The following UBE3D variants were observed in gnomAD, a reference collection of about 807,000 sequenced individuals.
The protein encoded by UBE3D is ubiquitin protein ligase E3D.
In UBE3D, 48 loss-of-function variants were observed where a neutral mutation model predicts 49.6. That is an observed-to-expected ratio of 0.97 (90% CI 0.77 to 1.23). The LOEUF (loss-of-function observed/expected upper bound fraction) is 1.23. UBE3D is among the 50% of genes most tolerant of loss of function. The probability of loss-of-function intolerance (pLI) is 0.00; values close to 1 mark genes in which losing one functional copy is unlikely to be tolerated. For synonymous variants in UBE3D, 189 were observed against 174.2 expected (o/e 1.08, Z -0.67); for missense variants, 452 against 468.4 (o/e 0.96, Z 0.32).
At chr6:82,935,701 A>T (rs1209983373) in intron 9 of UBE3D, among the ~76,000 whole-genome samples, 1 of 152,230 alleles carries the variant, frequency 6.6e-6, no homozygotes, top group African/African-American at 2.4e-5. Flanking sequence ...CTTCAAAGAA[A>T]TAGCAAATAG....
intron 5 of UBE3D, among the ~76,000 whole-genome samples, chr6:83,031,528 T>A (rs906220554): frequency 1.3e-5 from 2 of 152,198 alleles, no homozygotes; most frequent in African/African-American, 2.4e-5. Flanking sequence ...CTGTGAGACA[T>A]GAAGTCAAAG....
At chr6:82,892,027 G>C (rs572220853), downstream of UBE3D, among the ~76,000 whole-genome samples, 14 of 150,312 alleles carry the variant, frequency 9.3e-5, no homozygotes, top group Non-Finnish European at 1.9e-4. Context: ...AAAAAAAAAA[G>C]TGTTAGAAAA....
intron 8 of UBE3D, among the ~76,000 whole-genome samples, chr6:82,982,569 A>G (rs1778186737): frequency 6.6e-6 from 1 of 152,210 alleles, no homozygotes; most frequent in South Asian, 2.1e-4. Flanking sequence ...AGCATACTTT[A>G]ACATATCCCT....
chr6:82,905,345 T>A (rs1339992090), intron 9 of UBE3D, among the ~76,000 whole-genome samples: 1 of 152,154 alleles, frequency 6.6e-6, no homozygotes, highest in Admixed American at 6.5e-5. Flanking sequence ...ATTATACCTG[T>A]TACGGTGATC....
intron 9 of UBE3D, among the ~76,000 whole-genome samples, chr6:82,900,281 G>A (rs759543812): frequency 2.6e-5 from 4 of 152,126 alleles, no homozygotes; most frequent in Non-Finnish European, 4.4e-5. Flanking sequence ...TTAAGGAGAG[G>A]TGCCTTTAGC....
chr6:82,903,132 G>C (rs147945215), intron 9 of UBE3D, among the ~76,000 whole-genome samples: 1 of 152,102 alleles, frequency 6.6e-6, no homozygotes, highest in South Asian at 2.1e-4. Flanking sequence ...GTCAGATTTA[G>C]TGCAGTTGAA....
chr6:83,014,617 G>A (rs138755043), intron 8 of UBE3D, among the ~76,000 whole-genome samples: 9 of 152,262 alleles, frequency 5.9e-5, no homozygotes, highest in Admixed American at 2.6e-4. Context: ...TGGAATCAGC[G>A]TCAGCTCAGA....
chr6:83,054,244 G>C lies in UBE3D; in HGVS notation c.275-6C>G, dbSNP rs201774841. On this transcript the variant is annotated splice_region_variant and splice_polypyrimidine_tract_variant and intron_variant, in intron 2 of 9. Coordinates refer to ENST00000369747, the MANE Select transcript of UBE3D (RefSeq NM_198920.3). ...ATTAAACATTGAAATCAGTTCTAAA[G>C]GAAGTCAATGAAATAGCTAATCTTA... 3.0e-4 allele frequency: 480 copies of C among 1,608,944 alleles called. 1 individual carries two copies. The highest frequency in any genetic ancestry group is 3.8e-4 in the Non-Finnish European group (451 of 1,175,610).
At chr6:82,944,790 C>T (rs1242658262) in intron 9 of UBE3D, among the ~76,000 whole-genome samples, 1 of 152,168 alleles carries the variant, frequency 6.6e-6, no homozygotes, top group Non-Finnish European at 1.5e-5. Context: ...CTGAAGTGCC[C>T]TTGGGCCTCA....
chr6:83,041,524 T>C (rs958655796), intron 4 of UBE3D, among the ~76,000 whole-genome samples: 7 of 152,194 alleles, frequency 4.6e-5, no homozygotes, highest in African/African-American at 1.7e-4. Context: ...TTTTTTAAAT[T>C]CCTATTTTTA....
intron 8 of UBE3D, among the ~76,000 whole-genome samples, chr6:82,987,648 C>A (rs55730929): frequency 2.6e-5 from 4 of 152,092 alleles, no homozygotes; most frequent in African/African-American, 9.7e-5. Flanking sequence ...ATTCATATAG[C>A]GACTTTGGAA....
rs367547080 is a variant in UBE3D at position 82,923,642 on chromosome 6, C to T, written c.1150-30600G>A. 2.8e-4 allele frequency among the ~76,000 whole-genome samples: 43 copies of T among 152,270 alleles called. No homozygotes were observed. In the South Asian group the frequency reaches 5.6e-3, roughly 20 times the overall value. On this transcript the variant is annotated intron_variant, in intron 9 of 9. Coordinates refer to ENST00000369747, the MANE Select transcript of UBE3D (RefSeq NM_198920.3). Reference sequence around the variant, plus strand: ...TGACGGGTTGATTGGTGTAGCAAACCACCATGGCACGTGTATACCTATGTA... The same window carrying T: ...TGACGGGTTGATTGGTGTAGCAAACTACCATGGCACGTGTATACCTATGTA...
chr6:82,944,453 T>C (rs1407794682), intron 9 of UBE3D, among the ~76,000 whole-genome samples: 1 of 152,110 alleles, frequency 6.6e-6, no homozygotes, highest in East Asian at 1.9e-4. Flanking sequence ...GAATAACCAG[T>C]AGTGATACCC....
At chr6:83,046,752 A>C (rs1001779789) in intron 3 of UBE3D, among the ~76,000 whole-genome samples, 1 of 151,358 alleles carries the variant, frequency 6.6e-6, no homozygotes, top group African/African-American at 2.4e-5. Flanking sequence ...TCTTTCCTCA[A>C]ATGTACATTT....
intron 9 of UBE3D, among the ~76,000 whole-genome samples, chr6:82,895,184 A>G (rs554952757): frequency 3.5e-4 from 53 of 152,140 alleles, no homozygotes; most frequent in African/African-American, 1.1e-3. Flanking sequence ...GGTGGCAGGT[A>G]CCTGTAATCC....
At chr6:82,981,869 T>C (rs1029320208) in intron 8 of UBE3D, among the ~76,000 whole-genome samples, 2 of 152,100 alleles carry the variant, frequency 1.3e-5, no homozygotes, top group African/African-American at 2.4e-5. Context: ...ATACATCTAG[T>C]TGAAGAATGG....
intron 8 of UBE3D, among the ~76,000 whole-genome samples, chr6:82,971,504 C>T (rs1056505491): frequency 1.9e-4 from 29 of 152,130 alleles, no homozygotes; most frequent in African/African-American, 7.0e-4. Flanking sequence ...GCATTACCCA[C>T]TCTGTCCCAA....
chr6:82,979,999 G>A (rs1176158647), intron 8 of UBE3D, among the ~76,000 whole-genome samples: 1 of 152,030 alleles, frequency 6.6e-6, no homozygotes, highest in East Asian at 1.9e-4. Flanking sequence ...ATCCACTGAT[G>A]GACATTTAGG....
At chr6:83,002,140 G>A (rs1049670437) in intron 8 of UBE3D, among the ~76,000 whole-genome samples, 2 of 152,062 alleles carry the variant, frequency 1.3e-5, no homozygotes, top group African/African-American at 4.8e-5. Context: ...GCTCTTTTCA[G>A]TTTTTCCTGG....
Sources: gnomAD v4.1 joint callset for allele counts (sites outside exome capture counted in the v4.1 genomes callset) on GRCh38, gnomAD v4.1.1 for gene constraint, MANE v1.5 for transcripts, NCBI Gene and HGNC (gene_info 2026-07-23, HGNC 2026-07-21) for gene names.